Variants in BLM observed in about 807,000 individuals in gnomAD.
BLM encodes recQ-like DNA helicase BLM.
Under a neutral mutation model 135.3 loss-of-function variants are expected in BLM, and 95 were observed. That is an observed-to-expected ratio of 0.70 (90% CI 0.59 to 0.83). BLM has a LOEUF of 0.83. Among genes scored for constraint, BLM ranks in the 40% least tolerant of loss-of-function variants. BLM has a pLI of 0.00. For synonymous variants in BLM, 520 were observed against 589.2 expected, an observed-to-expected ratio of 0.88 and a Z score of 1.70; for missense variants, 1,518 against 1,663.9, an observed-to-expected ratio of 0.91 and a Z score of 1.53.
chr15:90,790,821 C>A lies in BLM; in HGVS notation c.2996C>A (p.Thr999Asn). The A allele has an allele frequency of 1.9e-6, 3 of 1,614,018 alleles. No individual in the cohort carries two copies. Among genetic ancestry groups the A allele is most frequent in the Non-Finnish European group, 2.5e-6 (3 of 1,179,942 alleles). ...CTTTTCTATACCTATCATGATGTGACCAGACTGAAAAGACTTATAATGAGT... is the reference window on the plus strand; with the variant it reads ...CTTTTCTATACCTATCATGATGTGAACAGACTGAAAAGACTTATAATGAGT... The part of the protein sequence containing the change: ...CLLFYTYHDV[T>N]RLKRLIMMEK... Residue 999 changes from threonine to asparagine, a missense_variant, in exon 15 of 22, where the codon ACC (threonine) becomes AAC (asparagine). Physicochemically the swap from Thr to Asn is moderately conservative, Grantham distance 65. Coordinates refer to ENST00000355112, the MANE Select transcript of BLM (RefSeq NM_000057.4).
At chr15:90,785,824 C>T (rs1445811097) in intron 14 of BLM, among the ~76,000 whole-genome samples, 2 of 151,968 alleles carry the variant, frequency 1.3e-5, no homozygotes, top group African/African-American at 2.4e-5. Flanking sequence ...TGAGCCACCT[C>T]GCCTGGCCTG....
chr15:90,795,416 G>A (rs1305348040), intron 16 of BLM, among the ~76,000 whole-genome samples: 2 of 152,150 alleles, frequency 1.3e-5, no homozygotes, highest in Admixed American at 6.5e-5. Context: ...GTAGGTGGAG[G>A]CTGCAGTGAG....
At chr15:90,800,841 T>A (rs17273905) in intron 17 of BLM, among the ~76,000 whole-genome samples, 23,355 of 151,646 alleles carry the variant, frequency 0.15, 1,910 homozygotes, top group Non-Finnish European at 0.19. Context: ...GAGAGCAAGA[T>A]CAAATATAAA....
At chr15:90,745,778 C>T (rs781037436) in intron 1 of BLM, among the ~76,000 whole-genome samples, 15 of 152,092 alleles carry the variant, frequency 9.9e-5, no homozygotes, top group African/African-American at 2.2e-4. Flanking sequence ...TTGAAACTTA[C>T]GATAAAAGTC....
At chr15:90,742,244 ACCACCTTTGC>A (rs1219397736) in intron 1 of BLM, among the ~76,000 whole-genome samples, 1 of 152,200 alleles carries the variant, frequency 6.6e-6, no homozygotes, top group Non-Finnish European at 1.5e-5. Context: ...AGTTAGGCTC[ACCACCTTTGC>A]CCCAGGGAAA....
At chr15:90,800,671 ACTCCAT>A in intron 17 of BLM, among the ~76,000 whole-genome samples, 1 of 148,444 alleles carries the variant, frequency 6.7e-6, no homozygotes, top group South Asian at 2.1e-4. Context: ...CAAGAGTGAA[ACTCCAT>A]CTCAAAAAAA....
intron 1 of BLM, among the ~76,000 whole-genome samples, chr15:90,746,141 G>A (rs1276240891): frequency 1.3e-5 from 2 of 152,130 alleles, no homozygotes; most frequent in African/African-American, 4.8e-5. Context: ...TAACAGAATC[G>A]AAATGTCACC....
At chr15:90,717,921 C>T (rs1248956305) in intron 1 of BLM, among the ~76,000 whole-genome samples, 1 of 152,214 alleles carries the variant, frequency 6.6e-6, no homozygotes, top group African/African-American at 2.4e-5. Context: ...GATCTTACAA[C>T]TGTAGCTTTA....
chr15:90,735,535 GA>G, intron 1 of BLM, among the ~76,000 whole-genome samples: 1 of 151,998 alleles, frequency 6.6e-6, no homozygotes, highest in South Asian at 2.1e-4. Flanking sequence ...CTAAACACAT[GA>G]AGAATTTAGT....
Position 90,738,564 on chromosome 15 carries a change from AAAAACAAAACAAAAC to A in BLM, c.-4-8800_-4-8786del, listed in dbSNP as rs71463768. On this transcript the variant is annotated intron_variant, in intron 1 of 21. Coordinates refer to ENST00000355112, the MANE Select transcript of BLM (RefSeq NM_000057.4). ...GGTGACAGAGTGAAACCCTGTTTCAAAAAACAAAACAAAACAAAACAAAACAAAACAAAACAAAAA... is the reference window on the plus strand; with the variant it reads ...GGTGACAGAGTGAAACCCTGTTTCAAAAAACAAAACAAAACAAAACAAAAA... 8.9e-3 allele frequency among the ~76,000 whole-genome samples: 1,328 copies of A among 149,298 alleles called. 11 individuals are homozygous for A. The highest frequency in any genetic ancestry group is 0.026 in the African/African-American group (1,054 of 40,650).
Position 90,750,046 on chromosome 15 carries a change from A to T in BLM, c.778A>T (p.Thr260Ser), listed in dbSNP as rs1895640054. The change falls in exon 3 of 22, where the codon ACT (threonine) becomes TCT (serine). Residue 260 changes from threonine to serine, a missense_variant. Physicochemically the swap from Thr to Ser is moderately conservative, Grantham distance 58. Coordinates refer to ENST00000355112, the MANE Select transcript of BLM (RefSeq NM_000057.4). ...EDAQESDSLK[T>S]HLEDERDNSE... ...TGCTCAGGAAAGTGACTCTCTGAAAACTCATTTGGAAGATGAAAGAGGTAA... is the reference window on the plus strand; with the variant it reads ...TGCTCAGGAAAGTGACTCTCTGAAATCTCATTTGGAAGATGAAAGAGGTAA... 2 of 1,613,990 alleles carry T rather than the reference A, an allele frequency of 1.2e-6. No homozygotes were observed. The highest frequency in any genetic ancestry group is 1.7e-6 in the Non-Finnish European group (2 of 1,179,996).
intron 13 of BLM, 57 bp downstream of exon 13, chr15:90,782,985 C>T (rs1896656446): frequency 3.8e-6 from 5 of 1,316,734 alleles, no homozygotes; most frequent in Admixed American, 3.5e-5. Flanking sequence ...TTTAGTACCA[C>T]AATAAGATAT....
rs1035455107 is a variant in BLM at position 90,761,200 on chromosome 15, A to G, written c.1827A>G (p.Pro609=). 1 of 1,533,550 alleles carries G rather than the reference A, an allele frequency of 6.5e-7. No homozygotes were observed. Among genetic ancestry groups the G allele is most frequent in the East Asian group, 2.3e-5 (1 of 44,218 alleles). 95.0% of individuals were successfully genotyped at this position (1,533,550 alleles called of 1,614,324 possible). ...RLSSAKTDCL[P]VSSTAQNINF... is the part of the protein sequence containing the mutation. The stretch of plus-strand genomic sequence containing the variant: ...CCTCAGCCAAGACAGACTGTCTTCC[A>G]GTGTCATCTACTGCTCAAAATATAA... Residue 609 remains proline (P), a synonymous_variant, in exon 7 of 22, where the codon CCA becomes CCG. Coordinates refer to ENST00000355112, the MANE Select transcript of BLM (RefSeq NM_000057.4).
intron 1 of BLM, among the ~76,000 whole-genome samples, chr15:90,724,282 G>A (rs879501717): frequency 3.3e-5 from 5 of 152,046 alleles, no homozygotes; most frequent in Non-Finnish European, 7.4e-5. Context: ...CAAAGTGCTG[G>A]GATTACAAGC....
chr15:90,784,370 A>C (rs1013691425), intron 13 of BLM, among the ~76,000 whole-genome samples: 1 of 115,272 alleles, frequency 8.7e-6, no homozygotes, highest in South Asian at 2.5e-4. Context: ...GTCTCACTCT[A>C]TCTCCAGGCA....
intron 1 of BLM, among the ~76,000 whole-genome samples, chr15:90,733,547 T>A: frequency 6.6e-6 from 1 of 152,250 alleles, no homozygotes; most frequent in Non-Finnish European, 1.5e-5. Flanking sequence ...TGGCTTGGTA[T>A]TGTAAATGCT....
At chr15:90,798,397 T>G in intron 17 of BLM, 60 bp downstream of exon 17, 2 of 1,548,854 alleles carry the variant, frequency 1.3e-6, no homozygotes, top group Non-Finnish European at 1.8e-6. Flanking sequence ...TCTAAAGAAT[T>G]TATTACAAGT....
chr15:90,734,915 T>C (rs1028267467), intron 1 of BLM, among the ~76,000 whole-genome samples: 1 of 152,042 alleles, frequency 6.6e-6, no homozygotes, highest in Admixed American at 6.6e-5. Context: ...AAAAGTAATA[T>C]TGTCCCTACT....
chr15:90,740,940 T>C (rs905426220), intron 1 of BLM, among the ~76,000 whole-genome samples: 33 of 152,184 alleles, frequency 2.2e-4, no homozygotes, highest in African/African-American at 8.0e-4. Flanking sequence ...TTACCCACTC[T>C]CAGGTGTTTC....
Sources: allele counts gnomAD v4.1 joint callset (sites outside exome capture counted in the v4.1 genomes callset), GRCh38; gene constraint gnomAD v4.1.1; transcripts MANE v1.5; gene names NCBI Gene and HGNC (gene_info 2026-07-23, HGNC 2026-07-21).